Variants in PRELID2 observed in about 807,000 individuals in gnomAD.
The protein encoded by PRELID2 is PRELI domain-containing protein 2.
In PRELID2, 25 loss-of-function variants were observed where a neutral mutation model predicts 28.4. The ratio of observed to expected loss-of-function variants is 0.88; its 90% CI spans 0.64 to 1.23. PRELID2 has a LOEUF of 1.23. Ranked by LOEUF, PRELID2 falls within the 50% of genes most tolerant of loss-of-function variation. PRELID2 has a pLI of 0.00. For missense variants in PRELID2, 201 were observed against 214.4 expected (o/e 0.94, Z 0.39); for synonymous variants, 76 against 71.6 (o/e 1.06, Z -0.31).
the PRELID2 span, among the ~76,000 whole-genome samples, chr5:145,418,722 C>T: frequency 5.2e-5 from 7 of 133,502 alleles, no homozygotes; most frequent in Non-Finnish European, 1.2e-4. Context: ...CTTCCTTATA[C>T]CATATACAAA....
At chr5:145,433,068 G>C in the PRELID2 span, among the ~76,000 whole-genome samples, 1 of 152,064 alleles carries the variant, frequency 6.6e-6, no homozygotes, top group Middle Eastern at 3.4e-3. Flanking sequence ...TACTTACTAA[G>C]ATGCCCCAGC....
At chr5:145,670,468 A>T (rs1470663776) in intron 1 of PRELID2, among the ~76,000 whole-genome samples, 1 of 152,102 alleles carries the variant, frequency 6.6e-6, no homozygotes, top group African/African-American at 2.4e-5. Flanking sequence ...ACATCAAACC[A>T]TATCACCCAT....
the PRELID2 span, among the ~76,000 whole-genome samples, chr5:145,394,055 A>T: frequency 2.6e-5 from 4 of 152,168 alleles, no homozygotes; most frequent in Admixed American, 6.5e-5. Context: ...TAGAAATACC[A>T]TTTGACCCAG....
At chr5:145,570,032 C>A (rs1753003351) in intron 1 of PRELID2, among the ~76,000 whole-genome samples, 2 of 152,140 alleles carry the variant, frequency 1.3e-5, no homozygotes, top group African/African-American at 2.4e-5. Context: ...CTATCACATG[C>A]CTCTCTCCCA....
At chr5:145,230,436 G>A in the PRELID2 span, among the ~76,000 whole-genome samples, 2 of 152,058 alleles carry the variant, frequency 1.3e-5, no homozygotes, top group Non-Finnish European at 2.9e-5. Context: ...AAAATTAGCT[G>A]GGTATGGTGG....
At chr5:145,524,465 T>C (rs1752591140) in intron 1 of PRELID2, among the ~76,000 whole-genome samples, 1 of 151,774 alleles carries the variant, frequency 6.6e-6, no homozygotes, top group African/African-American at 2.4e-5. Context: ...AGCTAAAGAG[T>C]GAAACTAACT....
chr5:145,441,686 C>T, the PRELID2 span, among the ~76,000 whole-genome samples: 1 of 152,118 alleles, frequency 6.6e-6, no homozygotes, highest in African/African-American at 2.4e-5. Flanking sequence ...AGAAGCTACA[C>T]ATCCAGGAAT....
At chr5:145,672,005 C>T (rs957975098) in intron 1 of PRELID2, among the ~76,000 whole-genome samples, 10 of 152,104 alleles carry the variant, frequency 6.6e-5, no homozygotes, top group African/African-American at 1.9e-4. Flanking sequence ...TTTCAAACGC[C>T]TTGAATGGAA....
chr5:145,684,416 T>C (rs1295121502), intron 1 of PRELID2, among the ~76,000 whole-genome samples: 1 of 152,090 alleles, frequency 6.6e-6, no homozygotes, highest in Non-Finnish European at 1.5e-5. Flanking sequence ...TGTTTCAGAC[T>C]GTAGGTCGTG....
the PRELID2 span, among the ~76,000 whole-genome samples, chr5:145,456,042 T>A: frequency 6.6e-6 from 1 of 152,208 alleles, no homozygotes; most frequent in African/African-American, 2.4e-5. Context: ...ATATCTTACC[T>A]TGGTCTCAAG....
the PRELID2 span, among the ~76,000 whole-genome samples, chr5:145,314,250 T>G: frequency 6.6e-6 from 1 of 152,218 alleles, no homozygotes; most frequent in Admixed American, 6.5e-5. Flanking sequence ...TTTTTAAGAA[T>G]TAAAGTGTAT....
intron 1 of PRELID2, among the ~76,000 whole-genome samples, chr5:145,663,527 T>G (rs1263649231): frequency 6.6e-6 from 1 of 152,176 alleles, no homozygotes; most frequent in African/African-American, 2.4e-5. Context: ...GCTGTGAACA[T>G]TCATGCAGAA....
chr5:145,335,043 T>A, the PRELID2 span, among the ~76,000 whole-genome samples: 1 of 152,158 alleles, frequency 6.6e-6, no homozygotes, highest in Non-Finnish European at 1.5e-5. Flanking sequence ...CTATTATTTT[T>A]TAAGTAAGCT....
the PRELID2 span, among the ~76,000 whole-genome samples, chr5:145,256,604 A>G: frequency 0.018 from 2,771 of 152,118 alleles, 45 homozygotes; most frequent in Middle Eastern, 0.058. Context: ...TATTCTGCCT[A>G]CCACTGATGT....
At chr5:145,460,864 T>A in the PRELID2 span, among the ~76,000 whole-genome samples, 1 of 152,226 alleles carries the variant, frequency 6.6e-6, no homozygotes. Context: ...TAATATGTGT[T>A]TACTTAAATA....
chr5:145,333,501 T>C, the PRELID2 span, among the ~76,000 whole-genome samples: 2 of 152,182 alleles, frequency 1.3e-5, no homozygotes, highest in African/African-American at 4.8e-5. Flanking sequence ...GCAGTCTGGC[T>C]ACAGCAGTTT....
intron 1 of PRELID2, among the ~76,000 whole-genome samples, chr5:145,742,526 G>T (rs1465665957): frequency 2.3e-5 from 1 of 42,884 alleles, no homozygotes; most frequent in Non-Finnish European, 4.6e-5. Flanking sequence ...AGTCTCAAGG[G>T]ATACCAAAAA....
rs1554074613 is a variant in PRELID2 at position 145,508,253 on chromosome 5, T to TAGAC, written n.71-34942_71-34939dup. On this transcript the variant is annotated intron_variant and non_coding_transcript_variant, in intron 1 of 2. Transcript: ENST00000510259. ...GATTTAGGCTGGAGTTACTTTTGCA[T>TAGAC]AGACAGATAGATAGATAGATAGATA... Among the ~76,000 whole-genome samples the TAGAC allele has an allele frequency of 3.9e-3, 486 of 123,494 alleles. 2 individuals carry two copies. The highest frequency in any genetic ancestry group is 0.014 in the African/African-American group (438 of 32,050). The allele number at this position is 123,494 out of a possible 152,430, so 81.0% of individuals were successfully genotyped here.
At chr5:145,248,862 G>A in the PRELID2 span, among the ~76,000 whole-genome samples, 2 of 152,034 alleles carry the variant, frequency 1.3e-5, no homozygotes, top group Non-Finnish European at 2.9e-5. Context: ...AATCCCTAGG[G>A]AGCCAAACTC....
Sources: gnomAD v4.1 joint callset for allele counts (sites outside exome capture counted in the v4.1 genomes callset) on GRCh38, gnomAD v4.1.1 for gene constraint, MANE v1.5 for transcripts, NCBI Gene and HGNC (gene_info 2026-07-23, HGNC 2026-07-21) for gene names.